Variants in TOP2A observed in about 807,000 individuals in gnomAD.
TOP2A encodes the protein DNA topoisomerase 2-alpha.
In TOP2A, 68 loss-of-function variants were observed where a neutral mutation model predicts 187.2. The ratio of observed to expected loss-of-function variants is 0.36; its 90% CI spans 0.30 to 0.44. TOP2A has a LOEUF of 0.44. Among genes scored for constraint, TOP2A ranks in the 20% least tolerant of loss-of-function variants. The probability of loss-of-function intolerance (pLI) is 1.00; values close to 1 mark genes in which losing one functional copy is unlikely to be tolerated. For synonymous variants in TOP2A, 542 were observed against 593.2 expected, an observed-to-expected ratio of 0.91 and a Z score of 1.25; for missense variants, 1,196 against 1,808.7, an observed-to-expected ratio of 0.66 and a Z score of 6.14.
At chr17:40,401,891 A>G (rs2035186545) in intron 20 of TOP2A, among the ~76,000 whole-genome samples, 1 of 152,174 alleles carries the variant, frequency 6.6e-6, no homozygotes, top group African/African-American at 2.4e-5. Context: ...GAAGGAATCA[A>G]AAGACATGGA....
rs2035385585 is a variant in TOP2A at position 40,415,995 on chromosome 17, A to G, written c.332+10T>C. 4 of 1,571,588 alleles carry G rather than the reference A, an allele frequency of 2.5e-6. No homozygotes were observed. The East Asian group carries it at 9.1e-5, about 36-fold the overall frequency. The stretch of plus-strand genomic sequence containing the variant: ...CGAGCTACATAACAAAAACTAAGCA[A>G]AAGACGTACGGATCAATTGTGACTC... On this transcript the variant is annotated intron_variant, in intron 4 of 34. Transcript: ENST00000423485.
chr17:40,394,421 C>T (rs936256294), intron 29 of TOP2A, among the ~76,000 whole-genome samples: 3 of 152,192 alleles, frequency 2.0e-5, no homozygotes, highest in Non-Finnish European at 4.4e-5. Context: ...CAACCTCTGC[C>T]TCCTGGGTTC....
Position 40,395,444 on chromosome 17 carries a change from A to G in TOP2A, c.3811+5T>C. ...TATACCATTTTTCTAAAAATGTTGT[A>G]ATACCTGGTTCTCTTTTCTGTTTCT... On this transcript the variant is annotated splice_donor_5th_base_variant and intron_variant, in intron 29 of 34. Transcript: ENST00000423485. 1.3e-6 allele frequency: 2 copies of G among 1,588,590 alleles called. No homozygotes were observed. Among genetic ancestry groups the G allele is most frequent in the Non-Finnish European group, 1.7e-6 (2 of 1,161,000 alleles).
Position 40,398,553 on chromosome 17 carries a change from C to G in TOP2A, c.3537+5G>C, listed in dbSNP as rs1011322463. On this transcript the variant is annotated splice_donor_5th_base_variant and intron_variant, in intron 27 of 34. Transcript: ENST00000423485. ...ATTCTAACATGGGCATTATAAACTA[C>G]ATACCTCCAATTCTTCAATAAATGT... The G allele has an allele frequency of 3.2e-6, 5 of 1,566,358 alleles. No homozygotes were observed. Among genetic ancestry groups the G allele is most frequent in the Non-Finnish European group, 4.3e-6 (5 of 1,154,332 alleles).
chr17:40,412,655 C>G lies in TOP2A; in HGVS notation c.789+104G>C, dbSNP rs185893039. On this transcript the variant is annotated intron_variant, in intron 7 of 34. Coordinates refer to ENST00000423485, the MANE Select transcript of TOP2A (RefSeq NM_001067.4). ...TGAGACTCTGTCTCAAACAAACAAA[C>G]AAACAAACAAACAAAAACATATGGG... 710 of 980,016 alleles carry G rather than the reference C, an allele frequency of 7.2e-4. 4 individuals are homozygous for G. The highest frequency in any genetic ancestry group is 1.1e-3 in the East Asian group (43 of 38,454). The allele number at this position is 980,016 out of a possible 1,614,324, so 60.7% of individuals were successfully genotyped here.
intron 28 of TOP2A, 111 bp from the exon 29 acceptor site, chr17:40,395,650 C>T: frequency 1.6e-6 from 1 of 633,828 alleles, no homozygotes; most frequent in East Asian, 3.3e-5. Flanking sequence ...AATCCCAGCA[C>T]TTTGGGAGGC....
In TOP2A at chr17:40,400,228, C is replaced by T. The variant is rs2035159884; in HGVS notation, c.2981G>A (p.Ser994Asn). Residue 994 changes from serine to asparagine, a missense_variant, in exon 23 of 35, where the codon AGT becomes AAT. Ser to Asn is a conservative substitution (Grantham distance 46, BLOSUM62 1). Transcript: ENST00000423485. ...GLHKVFKLQTSLTCNSMVLFD... is the reference protein window; with the variant it reads ...GLHKVFKLQTNLTCNSMVLFD... ...ACATACCATAGAGTTGCATGTGAGA[C>T]TAGTTTGGAGTTTGAAGACTTTGTG... 2 of 1,613,862 alleles carry T rather than the reference C, an allele frequency of 1.2e-6. No individual in the cohort carries two copies. The highest frequency in any genetic ancestry group is 1.7e-6 in the Non-Finnish European group (2 of 1,179,842).
At chr17:40,395,059 C>A (rs570188227) in intron 29 of TOP2A, among the ~76,000 whole-genome samples, 14 of 152,174 alleles carry the variant, frequency 9.2e-5, no homozygotes, top group African/African-American at 3.1e-4. Context: ...CCAAGGCGGG[C>A]AAATCACAAG....
At position 40,401,055 on chromosome 17, in the gene TOP2A, G is replaced by T. The variant is rs1458651388; in HGVS notation, c.2459C>A (p.Pro820Gln). The T allele has an allele frequency of 6.2e-7, 1 of 1,613,226 alleles. No individual in the cohort carries two copies. The change falls in exon 21 of 35, where the codon CCA becomes CAA. Residue 820 changes from proline to glutamine, a missense_variant. By Grantham distance (76) the Pro-to-Gln change is moderately conservative (BLOSUM62 -1). Coordinates refer to ENST00000423485, the MANE Select transcript of TOP2A (RefSeq NM_001067.4). ...LSSLARLLFP[P>Q]KDDHTLKFLY... ...AAACTTCAACGTGTGATCATCTTTT[G>T]GTGGAAATAACAATCGAGCCAAAGA...
At chr17:40,409,496 C>T (rs564902281) in intron 10 of TOP2A, 5 of 446,580 alleles carry the variant, frequency 1.1e-5, no homozygotes, top group Admixed American at 2.4e-5. Flanking sequence ...CAGTGGCTTA[C>T]GCCTGTAATC....
intron 20 of TOP2A, among the ~76,000 whole-genome samples, chr17:40,402,167 A>C (rs888668148): frequency 2.0e-5 from 3 of 152,182 alleles, no homozygotes; most frequent in African/African-American, 7.2e-5. Flanking sequence ...TAGCCTGAGC[A>C]ATTAGAAGGA....
At chr17:40,403,364 C>T (rs2035204338) in intron 19 of TOP2A, among the ~76,000 whole-genome samples, 1 of 152,132 alleles carries the variant, frequency 6.6e-6, no homozygotes, top group African/African-American at 2.4e-5. Context: ...GCATGTATCA[C>T]TTTATTCTAT....
chr17:40,401,042 G>C lies in TOP2A; in HGVS notation c.2472C>G (p.His824Gln). 1 of 1,613,774 alleles carries C rather than the reference G, an allele frequency of 6.2e-7. No individual in the cohort carries two copies. The highest frequency in any genetic ancestry group is 8.5e-7 in the Non-Finnish European group (1 of 1,179,816). Residue 824 changes from histidine (H) to glutamine (Q), a missense_variant, in exon 21 of 35, where the codon CAC (histidine) becomes CAG (glutamine). By Grantham distance (24) the His-to-Gln change is conservative. Coordinates refer to ENST00000423485, the MANE Select transcript of TOP2A (RefSeq NM_001067.4). ...TGTCATCATATAAAAACTTCAACGT[G>C]TGATCATCTTTTGGTGGAAATAACA... ...ARLLFPPKDD[H>Q]TLKFLYDDNQ...
rs770546190 is a variant in TOP2A at position 40,398,875 on chromosome 17, G to A, written c.3351C>T (p.Ser1117=). The change falls in exon 26 of 35, where the codon TCC becomes TCT. Residue 1117 remains serine (S), a synonymous_variant. Transcript: ENST00000423485. The part of the protein sequence containing the change: ...DNEKETEKSD[S]VTDSGPTFNY... Reference sequence around the variant, plus strand: ...TGAAGGTTGGTCCAGAATCTGTTACGGAGTCACTCTTTTCAGTTTCCTTTT... The same window carrying A: ...TGAAGGTTGGTCCAGAATCTGTTACAGAGTCACTCTTTTCAGTTTCCTTTT... 5.0e-6 allele frequency: 8 copies of A among 1,613,702 alleles called. No homozygotes were observed. Among genetic ancestry groups the A allele is most frequent in the South Asian group, 4.4e-5 (4 of 91,026 alleles).
intron 24 of TOP2A, 27 bp from the exon 25 acceptor site, chr17:40,399,158 A>G: frequency 6.9e-7 from 1 of 1,446,706 alleles, no homozygotes; most frequent in South Asian, 1.2e-5. Flanking sequence ...AAACAGAGAT[A>G]ATGATTTTGA....
intron 29 of TOP2A, 121 bp downstream of exon 29, chr17:40,395,328 C>T (rs955574243): frequency 6.8e-6 from 2 of 295,054 alleles, no homozygotes; most frequent in Non-Finnish European, 1.3e-5. Context: ...AATTGAGATA[C>T]AGTCCTCTTT....
chr17:40,396,026 C>T (rs1445509455), intron 28 of TOP2A, among the ~76,000 whole-genome samples: 1 of 148,178 alleles, frequency 6.7e-6, no homozygotes, highest in Non-Finnish European at 1.5e-5. Flanking sequence ...GTTGGCCAGG[C>T]TGGAGTGCAG....
intron 29 of TOP2A, among the ~76,000 whole-genome samples, chr17:40,395,069 G>A (rs2035074270): frequency 6.6e-6 from 1 of 152,138 alleles, no homozygotes; most frequent in South Asian, 2.1e-4. Context: ...CAAATCACAA[G>A]GTCAGGAGTT....
chr17:40,389,220 T>A lies in TOP2A; in HGVS notation c.*299A>T, dbSNP rs2034993234. 5 of 283,132 alleles carry A rather than the reference T, an allele frequency of 1.8e-5. No homozygotes were observed. The highest frequency in any genetic ancestry group is 3.4e-5 in the Non-Finnish European group (5 of 148,600). The allele number at this position is 283,132 out of a possible 1,614,324, so 17.5% of individuals were successfully genotyped here. ...ATAAACACACTGCTTTACGCTGAAG[T>A]GATCAGATAGCTATTTCTACAGTTC... On this transcript the variant is annotated 3_prime_UTR_variant, in exon 35 of 35. Coordinates refer to ENST00000423485, the MANE Select transcript of TOP2A (RefSeq NM_001067.4).
Sources: allele counts gnomAD v4.1 joint callset (sites outside exome capture counted in the v4.1 genomes callset), GRCh38; gene constraint gnomAD v4.1.1; transcripts MANE v1.5; gene names NCBI Gene and HGNC (gene_info 2026-07-23, HGNC 2026-07-21).